Variants in ZNF407 observed in about 807,000 individuals in gnomAD.
The protein encoded by ZNF407 is zinc finger protein 407.
A neutral mutation model predicts 131.2 loss-of-function variants in ZNF407; 17 were observed. That is an observed-to-expected ratio of 0.13 (90% CI 0.09 to 0.19). The LOEUF (loss-of-function observed/expected upper bound fraction) is 0.19, where lower values mean the gene tolerates loss of function less well. Ranked by LOEUF, ZNF407 falls within the 10% of genes least tolerant of loss-of-function variation. The pLI is 1.00. For missense variants in ZNF407, 2,681 were observed against 2,830.6 expected, an observed-to-expected ratio of 0.95 and a Z score of 1.20; for synonymous variants, 1,156 against 1,062.0, an observed-to-expected ratio of 1.09 and a Z score of -1.72.
At chr18:75,005,029 T>C (rs372514912) in intron 8 of ZNF407, among the ~76,000 whole-genome samples, 15 of 152,206 alleles carry the variant, frequency 9.9e-5, no homozygotes, top group African/African-American at 3.6e-4. Flanking sequence ...TATGACATAT[T>C]GTGTGTCTCA....
intron 1 of ZNF407, among the ~76,000 whole-genome samples, chr18:74,627,843 C>T (rs1217622713): frequency 7.2e-6 from 1 of 138,792 alleles, no homozygotes; most frequent in Non-Finnish European, 1.6e-5. Flanking sequence ...CCCGCCCCAC[C>T]CCGCCCCGCC....
chr18:74,653,769 A>G (rs572286216), intron 3 of ZNF407, among the ~76,000 whole-genome samples: 1 of 151,912 alleles, frequency 6.6e-6, no homozygotes, highest in Non-Finnish European at 1.5e-5. Flanking sequence ...ATCAAAAACT[A>G]ACGTAATTAT....
chr18:74,645,918 C>T (rs1413614607), intron 3 of ZNF407, among the ~76,000 whole-genome samples: 1 of 152,150 alleles, frequency 6.6e-6, no homozygotes, highest in Non-Finnish European at 1.5e-5. Context: ...TCATTGGAAT[C>T]CAGCTTCAGG....
chr18:74,846,482 G>A (rs1026526827), intron 4 of ZNF407, among the ~76,000 whole-genome samples: 1 of 151,420 alleles, frequency 6.6e-6, no homozygotes, highest in Non-Finnish European at 1.5e-5. Flanking sequence ...TGGGATTACA[G>A]GTGCATGCCA....
In ZNF407 at chr18:75,065,469, C is replaced by T. The variant is rs1298090634; in HGVS notation, c.*1001C>T. 1.3e-5 allele frequency: 2 copies of T among 152,224 alleles called. No individual in the cohort carries two copies. The highest frequency in any genetic ancestry group is 4.8e-5 in the African/African-American group (2 of 41,452). The allele number at this position is 152,224 out of a possible 1,614,324, so 9.4% of individuals were successfully genotyped here. On this transcript the variant is annotated 3_prime_UTR_variant, in exon 9 of 9. Coordinates refer to ENST00000299687, the MANE Select transcript of ZNF407 (RefSeq NM_017757.3). ...GTTTCCTTGTGGATTCACCTGTGGC[C>T]CTGCTGTGGCCACCAGCATGGTCTG...
intron 4 of ZNF407, among the ~76,000 whole-genome samples, chr18:74,821,813 A>G (rs1970344838): frequency 2.0e-5 from 3 of 152,148 alleles, no homozygotes; most frequent in Admixed American, 2.0e-4. Flanking sequence ...GTCAAATGGT[A>G]TTTCTAGTAC....
At chr18:74,811,867 G>T (rs1970200876) in intron 4 of ZNF407, among the ~76,000 whole-genome samples, 1 of 145,918 alleles carries the variant, frequency 6.9e-6, no homozygotes, top group Non-Finnish European at 1.5e-5. Flanking sequence ...CACTCTGAGG[G>T]CTGTTGTGGG....
At chr18:74,872,156 C>A (rs1239255436) in intron 4 of ZNF407, among the ~76,000 whole-genome samples, 1 of 151,002 alleles carries the variant, frequency 6.6e-6, no homozygotes, top group Non-Finnish European at 1.5e-5. Context: ...GCCCCGCCCC[C>A]CTCCTCAGCA....
chr18:74,902,528 AGTT>A (rs1480653965), intron 7 of ZNF407, among the ~76,000 whole-genome samples: 1 of 152,198 alleles, frequency 6.6e-6, no homozygotes, highest in African/African-American at 2.4e-5. Flanking sequence ...GAAATGAACC[AGTT>A]ATTATTTTTA....
chr18:75,017,047 C>G (rs1177193736), intron 8 of ZNF407, among the ~76,000 whole-genome samples: 1 of 152,046 alleles, frequency 6.6e-6, no homozygotes, highest in African/African-American at 2.4e-5. Context: ...CAGTGGGAAT[C>G]AATTCAGCCA....
At chr18:74,776,444 G>A (rs904563508) in intron 3 of ZNF407, among the ~76,000 whole-genome samples, 3 of 152,164 alleles carry the variant, frequency 2.0e-5, no homozygotes, top group Non-Finnish European at 4.4e-5. Flanking sequence ...AATATTTAGT[G>A]GTCCGGTAAG....
rs959943670 is a variant in ZNF407 at position 74,984,598 on chromosome 18, A to G, written c.5428+63906A>G. ...CTTTGTGTTACCTGCTCAACATCCA[A>G]TAAATGGATGTTAATAACCAACTAT... On this transcript the variant is annotated intron_variant, in intron 8 of 8. Coordinates refer to ENST00000299687, the MANE Select transcript of ZNF407 (RefSeq NM_017757.3). Among the ~76,000 whole-genome samples, 46 of 152,340 alleles carry G rather than the reference A, an allele frequency of 3.0e-4. 1 individual carries two copies. The highest frequency in any genetic ancestry group is 1.1e-3 in the African/African-American group (44 of 41,578).
intron 3 of ZNF407, among the ~76,000 whole-genome samples, chr18:74,722,850 G>A (rs369749800): frequency 6.4e-4 from 97 of 152,164 alleles, no homozygotes; most frequent in African/African-American, 2.0e-3. Flanking sequence ...AAACCTGCAC[G>A]TTTCTCAGTG....
chr18:74,840,781 T>C (rs913249769), intron 4 of ZNF407, among the ~76,000 whole-genome samples: 3 of 152,208 alleles, frequency 2.0e-5, no homozygotes, highest in African/African-American at 4.8e-5. Context: ...GCTCACATCC[T>C]ATCTATCATG....
intron 3 of ZNF407, among the ~76,000 whole-genome samples, chr18:74,742,932 T>C (rs1247749705): frequency 2.0e-5 from 3 of 152,166 alleles, no homozygotes; most frequent in African/African-American, 7.2e-5. Flanking sequence ...GGATACTTTT[T>C]TTAATAGTCC....
intron 7 of ZNF407, among the ~76,000 whole-genome samples, chr18:74,899,753 G>A (rs1009689040): frequency 3.9e-5 from 6 of 152,174 alleles, no homozygotes; most frequent in Non-Finnish European, 7.3e-5. Flanking sequence ...AGTGGGCGGC[G>A]TGCCAGGTGT....
At chr18:74,827,715 T>A (rs1970427878) in intron 4 of ZNF407, among the ~76,000 whole-genome samples, 1 of 152,226 alleles carries the variant, frequency 6.6e-6, no homozygotes, top group African/African-American at 2.4e-5. Flanking sequence ...GAAATCCTTA[T>A]GCCTGCTTGG....
intron 8 of ZNF407, among the ~76,000 whole-genome samples, chr18:75,025,444 G>C (rs1973159845): frequency 6.6e-6 from 1 of 152,214 alleles, no homozygotes; most frequent in Non-Finnish European, 1.5e-5. Flanking sequence ...GCTTAAGACA[G>C]AAAATTTGAA....
chr18:74,702,544 G>C (rs1005385770), intron 3 of ZNF407, among the ~76,000 whole-genome samples: 1 of 151,900 alleles, frequency 6.6e-6, no homozygotes, highest in African/African-American at 2.4e-5. Flanking sequence ...AAGACTGTAA[G>C]GCATGTGGAT....
Sources: allele counts gnomAD v4.1 joint callset (sites outside exome capture counted in the v4.1 genomes callset), GRCh38; gene constraint gnomAD v4.1.1; transcripts MANE v1.5; gene names NCBI Gene and HGNC (gene_info 2026-07-23, HGNC 2026-07-21).